Variants in GTF3C2 observed in about 807,000 individuals in gnomAD.
The protein encoded by GTF3C2 is general transcription factor IIIC subunit 2.
A neutral mutation model predicts 117.4 loss-of-function variants in GTF3C2; 17 were observed. The observed-to-expected ratio is 0.14, with a 90% confidence interval of 0.10 to 0.22. The LOEUF is 0.22. GTF3C2 is among the 10% of genes least tolerant of loss of function. GTF3C2 has a pLI of 1.00. For missense variants in GTF3C2, 888 were observed against 1,143.6 expected (o/e 0.78, Z 3.22); for synonymous variants, 437 against 427.0 (o/e 1.02, Z -0.29).
intron 1 of GTF3C2, among the ~76,000 whole-genome samples, chr2:27,355,189 A>G (rs1383615281): frequency 6.6e-6 from 1 of 152,218 alleles, no homozygotes; most frequent in Non-Finnish European, 1.5e-5. Context: ...TTCTTTCTAT[A>G]TATTGGACAT....
chr2:27,346,198 A>AT (rs1373789485), intron 1 of GTF3C2, among the ~76,000 whole-genome samples: 1 of 149,958 alleles, frequency 6.7e-6, no homozygotes, highest in East Asian at 2.0e-4. Flanking sequence ...TAATTTTTAA[A>AT]TTTTTTGTAG....
Position 27,329,247 on chromosome 2 carries a change from A to G in GTF3C2, c.1913T>C (p.Ile638Thr). Reference sequence around the variant, plus strand: ...AGGACGTCGAAGGTCCCAGAATTTGATTTTCCGGTCACTCCCCGCAGAGAC... The same window carrying G: ...AGGACGTCGAAGGTCCCAGAATTTGGTTTTCCGGTCACTCCCCGCAGAGAC... Residue 638 changes from isoleucine (I) to threonine (T), a missense_variant, in exon 14 of 19, where the codon ATC becomes ACC. By Grantham distance (89) the Ile-to-Thr change is moderately conservative. Around this residue, in one of 7 missense-constraint regions of GTF3C2, gnomAD observed 277 missense variants for 445.4 expected, o/e 0.62. Coordinates refer to ENST00000264720, the Ensembl canonical transcript of GTF3C2. The surrounding 1 kb of genome is among the most constrained non-coding windows in gnomAD (Gnocchi z 4.5). 3 of 1,614,170 alleles carry G rather than the reference A, an allele frequency of 1.9e-6. No homozygotes were observed. Among genetic ancestry groups the G allele is most frequent in the Non-Finnish European group, 2.5e-6 (3 of 1,180,022 alleles).
intron 7 of GTF3C2, among the ~76,000 whole-genome samples, chr2:27,336,956 G>A (rs1267067830): frequency 3.3e-5 from 5 of 152,086 alleles, no homozygotes. Flanking sequence ...TGTTCATTCT[G>A]GCATACTATA....
chr2:27,351,844 A>AT, intron 1 of GTF3C2, among the ~76,000 whole-genome samples: 1 of 152,144 alleles, frequency 6.6e-6, no homozygotes, highest in Non-Finnish European at 1.5e-5. Flanking sequence ...TTCCTCTGCA[A>AT]TGCCACTTGC....
At chr2:27,338,790 G>A (rs1286338056) in intron 4 of GTF3C2, among the ~76,000 whole-genome samples, 5 of 150,974 alleles carry the variant, frequency 3.3e-5, no homozygotes, top group Admixed American at 1.3e-4. Flanking sequence ...CCTCCCCCTC[G>A]GCCTCCCAAA....
intron 4 of GTF3C2, among the ~76,000 whole-genome samples, chr2:27,338,496 C>T (rs980043444): frequency 6.6e-6 from 1 of 152,050 alleles, no homozygotes; most frequent in African/African-American, 2.4e-5. Flanking sequence ...CTGGTAATCT[C>T]ATCTCATGTC....
At chr2:27,343,275 G>C (rs1680800533) in intron 2 of GTF3C2, 33 bp downstream of exon 2, 1 of 1,600,638 alleles carries the variant, frequency 6.2e-7, no homozygotes, top group African/African-American at 1.3e-5. Flanking sequence ...GCTTGGCATG[G>C]GGAATAAAAA....
Position 27,328,957 on chromosome 2 carries a change from C to T in GTF3C2, c.2040-26G>A, listed in dbSNP as rs186962604. ...CTGTTAAAAGAGAAATAAATTTAAA[C>T]CTTCCTTTTCTTTAGATTCATTTCT... On this transcript the variant is annotated intron_variant, in intron 14 of 18. Coordinates refer to ENST00000264720, the Ensembl canonical transcript of GTF3C2. 1.4e-5 allele frequency: 22 copies of T among 1,529,450 alleles called. No individual in the cohort carries two copies. In the East Asian group the frequency reaches 3.8e-4, roughly 27 times the overall value. 94.7% of individuals were successfully genotyped at this position (1,529,450 alleles called of 1,614,324 possible).
chr2:27,343,950 A>T (rs1013075928), intron 1 of GTF3C2, among the ~76,000 whole-genome samples: 1 of 152,204 alleles, frequency 6.6e-6, no homozygotes, highest in African/African-American at 2.4e-5. Flanking sequence ...TAAACAAGAC[A>T]GACAAGGTCC....
chr2:27,347,300 T>C (rs1265386302), intron 1 of GTF3C2, among the ~76,000 whole-genome samples: 1 of 152,202 alleles, frequency 6.6e-6, no homozygotes, highest in Non-Finnish European at 1.5e-5. Flanking sequence ...AGTGTGCTTA[T>C]ACAAATCCCA....
At chr2:27,348,576 A>G (rs963358410) in intron 1 of GTF3C2, among the ~76,000 whole-genome samples, 1 of 152,096 alleles carries the variant, frequency 6.6e-6, no homozygotes, top group Non-Finnish European at 1.5e-5. Flanking sequence ...GGCCGAAGCA[A>G]GCAGATTGCT....
intron 10 of GTF3C2, 91 bp downstream of exon 10, chr2:27,335,507 T>C: frequency 1.3e-6 from 1 of 754,580 alleles, no homozygotes; most frequent in Non-Finnish European, 2.4e-6. Context: ...TAAGAGAGAC[T>C]GGCCCAGAGG....
chr2:27,352,200 A>C (rs1681163393), intron 1 of GTF3C2, among the ~76,000 whole-genome samples: 1 of 152,136 alleles, frequency 6.6e-6, no homozygotes, highest in Admixed American at 6.6e-5. Context: ...TGCTTAGCAA[A>C]ACTCAAGCCC....
At chr2:27,335,414 G>GTA (rs1558615457) in intron 10 of GTF3C2, 184 bp downstream of exon 10, 1 of 711,384 alleles carries the variant, frequency 1.4e-6, no homozygotes, top group South Asian at 1.5e-5. Context: ...GAGTACAGCT[G>GTA]TAAGACTGCA....
At chr2:27,355,464 G>C (rs1681305491) in intron 1 of GTF3C2, among the ~76,000 whole-genome samples, 1 of 151,338 alleles carries the variant, frequency 6.6e-6, no homozygotes, top group African/African-American at 2.4e-5. Context: ...AGGTTGCAGT[G>C]AGCCGAGATC....
chr2:27,326,902 A>G lies in GTF3C2; in HGVS notation c.2518-9T>C. 9 of 1,576,114 alleles carry G rather than the reference A, an allele frequency of 5.7e-6. No individual in the cohort carries two copies. The highest frequency in any genetic ancestry group is 7.0e-6 in the Non-Finnish European group (8 of 1,145,830). ...TTTGGGCTGAAACGTACCTGTGAAG[A>G]GAACAGAAAACAAGAGAGAGATGCT... On this transcript the variant is annotated splice_polypyrimidine_tract_variant and intron_variant, in intron 18 of 18. Transcript: ENST00000264720.
intron 1 of GTF3C2, among the ~76,000 whole-genome samples, chr2:27,355,428 G>A (rs1288291609): frequency 1.3e-5 from 2 of 151,926 alleles, no homozygotes; most frequent in African/African-American, 4.8e-5. Flanking sequence ...GCTGAGGCAG[G>A]AGAATCGCTT....
At chr2:27,349,427 G>A (rs1486889729) in intron 1 of GTF3C2, among the ~76,000 whole-genome samples, 4 of 152,006 alleles carry the variant, frequency 2.6e-5, no homozygotes, top group Non-Finnish European at 5.9e-5. Flanking sequence ...GATTACAGGC[G>A]TGAGCCACTG....
chr2:27,342,296 A>G, intron 3 of GTF3C2, 63 bp from the exon 4 acceptor site: 1 of 1,396,106 alleles, frequency 7.2e-7, no homozygotes, highest in Non-Finnish European at 9.8e-7. Flanking sequence ...GTTTCCAGAC[A>G]TGGTTGATTT....
Sources: allele counts gnomAD v4.1 joint callset (sites outside exome capture counted in the v4.1 genomes callset), GRCh38; gene constraint gnomAD v4.1.1; regional missense constraint gnomAD v4.1.1; non-coding constraint Gnocchi (gnomAD v3.1); transcripts MANE v1.5; gene names NCBI Gene and HGNC (gene_info 2026-07-23, HGNC 2026-07-21).